CNST: variants seen among roughly 807,000 people sequenced by gnomAD.
CNST encodes consortin, connexin sorting protein.
Under a neutral mutation model 72.4 loss-of-function variants are expected in CNST, and 39 were observed. The observed-to-expected ratio is 0.54, with a 90% confidence interval of 0.42 to 0.70. The LOEUF is 0.70. Ranked by LOEUF, CNST falls within the 30% of genes least tolerant of loss-of-function variation. CNST has a pLI of 0.00. For missense variants in CNST, 871 were observed against 868.5 expected, an observed-to-expected ratio of 1.00 and a Z score of -0.04; for synonymous variants, 332 against 320.1, an observed-to-expected ratio of 1.04 and a Z score of -0.40.
intron 9 of CNST, among the ~76,000 whole-genome samples, chr1:246,652,321 C>T (rs751661814): frequency 8.5e-5 from 13 of 152,154 alleles, no homozygotes; most frequent in Non-Finnish European, 1.3e-4. Context: ...CTCAGAGTGC[C>T]AGGATGACCC....
At chr1:246,587,171 G>A (rs779801115) in intron 1 of CNST, among the ~76,000 whole-genome samples, 1 of 152,022 alleles carries the variant, frequency 6.6e-6, no homozygotes, top group African/African-American at 2.4e-5. Flanking sequence ...GCTATGTTGC[G>A]CAGGCCGGTC....
chr1:246,628,855 C>T (rs995433110), intron 3 of CNST, among the ~76,000 whole-genome samples: 1 of 152,098 alleles, frequency 6.6e-6, no homozygotes, highest in Non-Finnish European at 1.5e-5. Context: ...AAAGGATAAC[C>T]AGGATCACCT....
Position 246,589,584 on chromosome 1 carries a change from T to C in CNST, c.-51-1928T>C, listed in dbSNP as rs572235653. On this transcript the variant is annotated intron_variant, in intron 1 of 10. Transcript: ENST00000366513. Reference sequence around the variant, plus strand: ...GTGCCACAATAAACATACATATGCATGTGTCTTTATAGCAGCATGATTTAT... The same window carrying C: ...GTGCCACAATAAACATACATATGCACGTGTCTTTATAGCAGCATGATTTAT... Among the ~76,000 whole-genome samples, 10 of 152,284 alleles carry C rather than the reference T, an allele frequency of 6.6e-5. No homozygotes were observed. In the East Asian group the frequency reaches 1.7e-3, roughly 26 times the overall value.
chr1:246,642,132 GGT>G (rs553996739), intron 8 of CNST, 95 bp downstream of exon 8: 8,218 of 197,022 alleles, frequency 0.042, 296 homozygotes, highest in East Asian at 0.16. Flanking sequence ...CAAAGGATCT[GGT>G]TTTTTTTTTT....
intron 2 of CNST, chr1:246,606,685 A>G (rs1008422058): frequency 6.6e-6 from 1 of 151,214 alleles, no homozygotes; most frequent in African/African-American, 2.4e-5. Flanking sequence ...GTAATATTCG[A>G]TGATCCATTG....
intron 3 of CNST, among the ~76,000 whole-genome samples, chr1:246,622,854 C>T (rs561829340): frequency 6.6e-6 from 1 of 152,206 alleles, no homozygotes; most frequent in Non-Finnish European, 1.5e-5. Context: ...GACAGAGTCT[C>T]ACTCTGTTGC....
chr1:246,650,017 T>G (rs1025597114), intron 9 of CNST, among the ~76,000 whole-genome samples: 2 of 152,014 alleles, frequency 1.3e-5, no homozygotes, highest in African/African-American at 2.4e-5. Context: ...CTACAATTGA[T>G]CAACATCCCT....
At chr1:246,574,350 A>AT (rs902626998) in intron 1 of CNST, among the ~76,000 whole-genome samples, 8 of 152,238 alleles carry the variant, frequency 5.3e-5, no homozygotes, top group African/African-American at 1.9e-4. Flanking sequence ...CGCTCCAAAG[A>AT]TTTTTTAAAA....
chr1:246,566,813 A>G, intron 1 of CNST, 150 bp downstream of exon 1: 1 of 396,578 alleles, frequency 2.5e-6, no homozygotes, highest in East Asian at 3.6e-5. Flanking sequence ...CGGTCCCCTT[A>G]CCTCCTCCGC....
chr1:246,642,829 G>GTGATGATGA (rs1558583385), intron 8 of CNST, among the ~76,000 whole-genome samples: 3 of 580 alleles, frequency 5.2e-3, no homozygotes, highest in African/African-American at 0.033. Flanking sequence ...GGTGATGATG[G>GTGATGATGA]TGGTGATGGA....
At position 246,634,518 on chromosome 1, in the gene CNST, G is replaced by A; in HGVS notation, c.749G>A (p.Arg250Lys). 1.2e-6 allele frequency: 2 copies of A among 1,609,376 alleles called. No individual in the cohort carries two copies. Among genetic ancestry groups the A allele is most frequent in the East Asian group, 2.2e-5 (1 of 44,760 alleles). Residue 250 changes from arginine to lysine, a missense_variant, in exon 6 of 11, where the codon AGG (arginine) becomes AAG (lysine). Coordinates refer to ENST00000366513, the MANE Select transcript of CNST (RefSeq NM_152609.3). ...TVQPHTVTALRNSEKGFNGED... is the reference protein window; with the variant it reads ...TVQPHTVTALKNSEKGFNGED... Reference sequence around the variant, plus strand: ...CAACCACATACAGTTACGGCTCTAAGGAATTCAGAAAAGGGATTTAATGGT... The same window carrying A: ...CAACCACATACAGTTACGGCTCTAAAGAATTCAGAAAAGGGATTTAATGGT...
intron 9 of CNST, among the ~76,000 whole-genome samples, chr1:246,654,094 T>A (rs1666640241): frequency 6.6e-6 from 1 of 152,204 alleles, no homozygotes; most frequent in Admixed American, 6.5e-5. Flanking sequence ...CACGGCTCTC[T>A]TTACCTGCAG....
intron 1 of CNST, among the ~76,000 whole-genome samples, chr1:246,574,711 G>A (rs377394771): frequency 4.3e-4 from 66 of 152,166 alleles, no homozygotes; most frequent in Middle Eastern, 3.4e-3. Flanking sequence ...GTATTTTTCA[G>A]AGGGAATTCT....
intron 1 of CNST, among the ~76,000 whole-genome samples, chr1:246,585,742 A>T (rs1284962164): frequency 6.7e-6 from 1 of 149,884 alleles, no homozygotes; most frequent in Admixed American, 6.7e-5. Context: ...AGTGCATATG[A>T]TTTATGAACA....
intron 2 of CNST, chr1:246,607,521 A>T (rs1662954818): frequency 6.5e-6 from 1 of 153,876 alleles, no homozygotes; most frequent in Non-Finnish European, 1.4e-5. Context: ...CGCTGTTTAA[A>T]GAGCGCCTGG....
In CNST at chr1:246,634,586, GAGTA is replaced by G; in HGVS notation, c.818+4_818+7del. On this transcript the variant is annotated splice_donor_variant and splice_donor_region_variant and coding_sequence_variant and intron_variant, in exon 6 of 11. Transcript: ENST00000366513. LOFTEE classifies it high-confidence loss of function. ...TACGAAAATTTGTGCAACACATCAA[GAGTA>G]AGTATATCAGAATTTCGTTAGAATG... is the stretch of plus-strand genomic sequence containing the variant. 1 of 1,533,752 alleles carries G rather than the reference GAGTA, an allele frequency of 6.5e-7. No homozygotes were observed. The highest frequency in any genetic ancestry group is 8.9e-7 in the Non-Finnish European group (1 of 1,120,894).
chr1:246,648,103 T>C, intron 9 of CNST, 66 bp downstream of exon 9: 1 of 1,505,096 alleles, frequency 6.6e-7, no homozygotes, highest in Non-Finnish European at 8.8e-7. Flanking sequence ...ATGTATTAAA[T>C]ATTGCCTTGT....
intron 1 of CNST, among the ~76,000 whole-genome samples, chr1:246,583,309 T>G (rs922488982): frequency 6.6e-6 from 1 of 152,216 alleles, no homozygotes; most frequent in Non-Finnish European, 1.5e-5. Context: ...GAATTGGATA[T>G]TCTCAAATAT....
intron 1 of CNST, among the ~76,000 whole-genome samples, chr1:246,588,501 G>T (rs1370976843): frequency 6.6e-6 from 1 of 152,124 alleles, no homozygotes. Flanking sequence ...ATCCAGAATG[G>T]AGTGATTCAC....
Sources: gnomAD v4.1 joint callset for allele counts (sites outside exome capture counted in the v4.1 genomes callset) on GRCh38, gnomAD v4.1.1 for gene constraint, MANE v1.5 for transcripts, NCBI Gene and HGNC (gene_info 2026-07-23, HGNC 2026-07-21) for gene names.